Variants in SPICE1 observed in about 807,000 individuals in gnomAD.
The protein encoded by SPICE1 is spindle and centriole associated protein 1.
SPICE1 carries 75 observed loss-of-function variants against 102.7 expected under a neutral mutation model. The observed-to-expected ratio is 0.73, with a 90% confidence interval of 0.61 to 0.88. The LOEUF is 0.88. Among genes scored for constraint, SPICE1 ranks in the 40% least tolerant of loss-of-function variants. The pLI is 0.00. For missense variants in SPICE1, 979 were observed against 1,020.1 expected (o/e 0.96, Z 0.55); for synonymous variants, 308 against 350.3 (o/e 0.88, Z 1.35).
intron 7 of SPICE1, among the ~76,000 whole-genome samples, chr3:113,485,389 G>A (rs1936622459): frequency 6.6e-6 from 1 of 152,078 alleles, no homozygotes; most frequent in African/African-American, 2.4e-5. Flanking sequence ...GCTCGAGCTT[G>A]GTGGGGGAAG....
intron 1 of SPICE1, among the ~76,000 whole-genome samples, chr3:113,509,769 A>G (rs1436905032): frequency 6.6e-6 from 1 of 152,200 alleles, no homozygotes; most frequent in South Asian, 2.1e-4. Context: ...CCCATGTGTC[A>G]TGAGAGGGAC....
chr3:113,514,938 G>C lies in SPICE1; in HGVS notation c.-42C>G, dbSNP rs1937294218. ...CAGAGCCGCGGCTGCGCTTCCTGAAGTAAGGATTCCCCAACCGGGCGCCTG... is the reference window on the plus strand; with the variant it reads ...CAGAGCCGCGGCTGCGCTTCCTGAACTAAGGATTCCCCAACCGGGCGCCTG... On this transcript the variant is annotated 5_prime_UTR_variant, in exon 1 of 18. Transcript: ENST00000295872. 1 of 1,073,056 alleles carries C rather than the reference G, an allele frequency of 9.3e-7. No homozygotes were observed. Among genetic ancestry groups the C allele is most frequent in the African/African-American group, 1.7e-5 (1 of 59,764 alleles). 66.5% of individuals were successfully genotyped at this position (1,073,056 alleles called of 1,614,324 possible).
intron 17 of SPICE1, among the ~76,000 whole-genome samples, chr3:113,445,959 T>A (rs778678880): frequency 6.6e-6 from 1 of 152,198 alleles, no homozygotes; most frequent in Non-Finnish European, 1.5e-5. Context: ...TTTAAAGATA[T>A]CCTCACAATT....
intron 6 of SPICE1, among the ~76,000 whole-genome samples, chr3:113,490,226 G>A (rs1936736697): frequency 1.3e-5 from 2 of 152,134 alleles, no homozygotes. Context: ...TCCACTTTCT[G>A]AATGTTTTTA....
chr3:113,490,968 C>A (rs1936751114), intron 6 of SPICE1, among the ~76,000 whole-genome samples: 1 of 152,186 alleles, frequency 6.6e-6, no homozygotes. Flanking sequence ...AGTCTTCTAA[C>A]CAGACCCTCT....
At chr3:113,504,680 G>A (rs1226696098) in intron 2 of SPICE1, among the ~76,000 whole-genome samples, 1 of 151,302 alleles carries the variant, frequency 6.6e-6, no homozygotes, top group Admixed American at 6.6e-5. Flanking sequence ...AGGCATACAA[G>A]TAAGTGATAG....
chr3:113,471,893 C>T (rs1052896561), intron 7 of SPICE1, among the ~76,000 whole-genome samples: 6 of 152,226 alleles, frequency 3.9e-5, no homozygotes, highest in Non-Finnish European at 8.8e-5. Context: ...GCATTTCCAT[C>T]TGAGGTACTG....
At chr3:113,476,947 A>T (rs954187638) in intron 7 of SPICE1, among the ~76,000 whole-genome samples, 1 of 152,258 alleles carries the variant, frequency 6.6e-6, no homozygotes, top group Non-Finnish European at 1.5e-5. Flanking sequence ...ATCTAACTAA[A>T]CTAAAGAGCT....
At chr3:113,476,340 G>A (rs1168875573) in intron 7 of SPICE1, among the ~76,000 whole-genome samples, 2 of 151,378 alleles carry the variant, frequency 1.3e-5, no homozygotes, top group East Asian at 1.9e-4. Flanking sequence ...AATCACTATC[G>A]TGAAAATGGC....
intron 4 of SPICE1, among the ~76,000 whole-genome samples, chr3:113,495,706 G>C (rs977427218): frequency 6.6e-6 from 1 of 152,174 alleles, no homozygotes; most frequent in African/African-American, 2.4e-5. Flanking sequence ...TAGCCGTCTT[G>C]CAAGTACAAG....
chr3:113,479,065 G>A (rs970771484), intron 7 of SPICE1, among the ~76,000 whole-genome samples: 2 of 151,434 alleles, frequency 1.3e-5, no homozygotes, highest in African/African-American at 2.4e-5. Flanking sequence ...ATGCTGGTGT[G>A]CTGCACCCAT....
chr3:113,505,531 T>C (rs2107506722), intron 2 of SPICE1, among the ~76,000 whole-genome samples: 1 of 152,166 alleles, frequency 6.6e-6, no homozygotes, highest in East Asian at 1.9e-4. Flanking sequence ...TCCAAACTAA[T>C]CCCTAACTAG....
In SPICE1 at chr3:113,493,275, C is replaced by T. The variant is rs756333141; in HGVS notation, c.423G>A (p.Gln141=). ...GGTCTTGATTTACCACAATGGGACC[C>T]TGAGAGGAATCAGGAGCCACTGTTA... The part of the protein sequence containing the change: ...PNVTVAPDSS[Q]GPIVVNQDPI... The change falls in exon 6 of 18, where the codon CAG becomes CAA. Residue 141 remains glutamine (Q), a synonymous_variant. Transcript: ENST00000295872. The T allele has an allele frequency of 6.2e-7, 1 of 1,613,880 alleles. No homozygotes were observed. Among genetic ancestry groups the T allele is most frequent in the South Asian group, 1.1e-5 (1 of 91,068 alleles).
At chr3:113,474,147 A>G (rs144964098) in intron 7 of SPICE1, among the ~76,000 whole-genome samples, 33,702 of 150,964 alleles carry the variant, frequency 0.22, 4,271 homozygotes, top group African/African-American at 0.36. Flanking sequence ...CTAGTCTCTG[A>G]TAAAACAGAC....
chr3:113,447,017 T>C (rs1449419315), intron 16 of SPICE1, among the ~76,000 whole-genome samples: 1 of 152,266 alleles, frequency 6.6e-6, no homozygotes, highest in African/African-American at 2.4e-5. Context: ...ATAAGTCTCA[T>C]GAGACCTGAT....
chr3:113,462,696 A>AAC (rs1018907193), intron 11 of SPICE1, among the ~76,000 whole-genome samples: 4 of 152,336 alleles, frequency 2.6e-5, no homozygotes, highest in Admixed American at 1.3e-4. Flanking sequence ...TGGACTCAAC[A>AAC]ACTTAGTAAG....
Position 113,450,316 on chromosome 3 carries a change from AT to A in SPICE1, c.2323+19del, listed in dbSNP as rs754822505. 101 of 1,613,546 alleles carry A rather than the reference AT, an allele frequency of 6.3e-5. No homozygotes were observed. The highest frequency in any genetic ancestry group is 7.9e-5 in the Non-Finnish European group (93 of 1,179,662). On this transcript the variant is annotated intron_variant, in intron 15 of 17. Coordinates refer to ENST00000295872, the MANE Select transcript of SPICE1 (RefSeq NM_144718.4). The stretch of plus-strand genomic sequence containing the variant: ...AAACCTTCATATTTCTAGTTTTTAA[AT>A]CATGAATTTGTGACCAACCAGTCCA...
chr3:113,485,843 C>A (rs1204708626), intron 7 of SPICE1, among the ~76,000 whole-genome samples: 1 of 152,176 alleles, frequency 6.6e-6, no homozygotes, highest in Non-Finnish European at 1.5e-5. Flanking sequence ...ATGTCCTTTG[C>A]AGGGACATGG....
At chr3:113,492,337 A>T (rs1470360148) in intron 6 of SPICE1, among the ~76,000 whole-genome samples, 2 of 152,132 alleles carry the variant, frequency 1.3e-5, no homozygotes, top group Non-Finnish European at 2.9e-5. Context: ...TTTTTCATAG[A>T]AACTATAACT....
Sources: allele counts gnomAD v4.1 joint callset (sites outside exome capture counted in the v4.1 genomes callset), GRCh38; gene constraint gnomAD v4.1.1; transcripts MANE v1.5; gene names NCBI Gene and HGNC (gene_info 2026-07-23, HGNC 2026-07-21).